The following FHIT variants were observed in gnomAD, a reference collection of about 807,000 sequenced individuals.
FHIT encodes the protein bis(5'-adenosyl)-triphosphatase.
FHIT carries 19 observed loss-of-function variants against 17.9 expected under a neutral mutation model. The observed-to-expected ratio is 1.06, with a 90% CI of 0.74 to 1.56. The LOEUF (loss-of-function observed/expected upper bound fraction) is 1.56. Ranked by LOEUF, FHIT falls within the 40% of genes most tolerant of loss-of-function variation. The pLI, the probability that FHIT is intolerant of heterozygous loss-of-function variation, is 0.00. For missense variants in FHIT, 248 were observed against 189.2 expected (o/e 1.31, Z -1.82); for synonymous variants, 81 against 69.7 (o/e 1.16, Z -0.81).
chr3:60,859,081 C>G (rs892839911), intron 3 of FHIT, among the ~76,000 whole-genome samples: 4 of 152,150 alleles, frequency 2.6e-5, no homozygotes, highest in African/African-American at 4.8e-5. Flanking sequence ...CTAGAACATT[C>G]TGCATTTGTG....
At chr3:60,427,820 C>G (rs1317115908) in intron 5 of FHIT, among the ~76,000 whole-genome samples, 1 of 152,106 alleles carries the variant, frequency 6.6e-6, no homozygotes, top group Non-Finnish European at 1.5e-5. Context: ...CATTTGATAT[C>G]TCCCAAATCT....
intron 5 of FHIT, among the ~76,000 whole-genome samples, chr3:60,446,809 T>C (rs1175976880): frequency 6.6e-6 from 1 of 151,400 alleles, no homozygotes; most frequent in Non-Finnish European, 1.5e-5. Context: ...GCTATGATCA[T>C]TCTACTGCAA....
At chr3:59,896,499 A>G (rs147168104) in intron 8 of FHIT, among the ~76,000 whole-genome samples, 1 of 152,296 alleles carries the variant, frequency 6.6e-6, no homozygotes, top group African/African-American at 2.4e-5. Context: ...TAGCACCAAG[A>G]GTAACTCAGA....
chr3:60,823,541 G>C (rs1702004668), intron 3 of FHIT, among the ~76,000 whole-genome samples: 1 of 152,126 alleles, frequency 6.6e-6, no homozygotes, highest in African/African-American at 2.4e-5. Flanking sequence ...AGAGATTGGA[G>C]TTATGTAGCT....
intron 4 of FHIT, among the ~76,000 whole-genome samples, chr3:60,680,090 A>C (rs184826071): frequency 2.0e-5 from 3 of 152,322 alleles, no homozygotes; most frequent in African/African-American, 7.2e-5. Flanking sequence ...CATGTGGGCC[A>C]TGGGAGTTGC....
intron 5 of FHIT, among the ~76,000 whole-genome samples, chr3:60,194,671 G>A (rs62238480): frequency 1.3e-5 from 2 of 152,106 alleles, no homozygotes; most frequent in African/African-American, 4.8e-5. Context: ...GAAAATATTT[G>A]CAAACTATGC....
intron 3 of FHIT, among the ~76,000 whole-genome samples, chr3:60,976,335 G>A (rs1036610952): frequency 6.6e-6 from 1 of 151,820 alleles, no homozygotes; most frequent in African/African-American, 2.4e-5. Flanking sequence ...TTGCACTCCT[G>A]ACCTCAGGTG....
chr3:60,024,388 A>G (rs1399920690), intron 5 of FHIT, among the ~76,000 whole-genome samples: 4 of 152,238 alleles, frequency 2.6e-5, no homozygotes, highest in Admixed American at 6.5e-5. Context: ...GGTATTCATC[A>G]TGTGTTCAGT....
At chr3:60,823,431 G>A (rs782064374) in intron 3 of FHIT, among the ~76,000 whole-genome samples, 40 of 152,110 alleles carry the variant, frequency 2.6e-4, no homozygotes, top group African/African-American at 5.6e-4. Flanking sequence ...ACTGGAGATC[G>A]GTGGGCAGGC....
At chr3:60,633,992 T>A (rs181477881) in intron 4 of FHIT, among the ~76,000 whole-genome samples, 1 of 152,180 alleles carries the variant, frequency 6.6e-6, no homozygotes, top group Admixed American at 6.5e-5. Flanking sequence ...TAAACAATTT[T>A]AACCTTCTCT....
At chr3:60,017,544 G>A (rs1306981279) in intron 5 of FHIT, among the ~76,000 whole-genome samples, 1 of 152,192 alleles carries the variant, frequency 6.6e-6, no homozygotes, top group African/African-American at 2.4e-5. Context: ...TGAATCCATT[G>A]CTTGTTGGAC....
chr3:60,591,500 G>T (rs2038083302), intron 4 of FHIT, among the ~76,000 whole-genome samples: 1 of 152,076 alleles, frequency 6.6e-6, no homozygotes, highest in Non-Finnish European at 1.5e-5. Flanking sequence ...AGGAAAAACA[G>T]CCACTAGGCT....
intron 3 of FHIT, among the ~76,000 whole-genome samples, chr3:61,014,807 A>AAAAAAAATAT (rs1553798839): frequency 8.1e-5 from 4 of 49,100 alleles, no homozygotes; most frequent in African/African-American, 2.2e-4. Context: ...AAAAAAAAAA[A>AAAAAAAATAT]ATATATATAT....
chr3:60,280,876 T>C (rs532303401), intron 5 of FHIT, among the ~76,000 whole-genome samples: 2 of 150,934 alleles, frequency 1.3e-5, no homozygotes, highest in South Asian at 2.1e-4. Flanking sequence ...GATATAACGA[T>C]TGGGAAGAAG....
chr3:60,356,064 G>A (rs922944850), intron 5 of FHIT, among the ~76,000 whole-genome samples: 6 of 152,130 alleles, frequency 3.9e-5, no homozygotes, highest in Non-Finnish European at 8.8e-5. Flanking sequence ...AGTTCACACT[G>A]TACCAGAGAA....
intron 5 of FHIT, among the ~76,000 whole-genome samples, chr3:60,418,352 CTA>C (rs1279025864): frequency 1.7e-4 from 18 of 103,580 alleles, no homozygotes; most frequent in South Asian, 9.2e-4. Flanking sequence ...ATATACAAAC[CTA>C]TATATATGTA....
At chr3:59,913,786 C>A (rs917994907) in intron 8 of FHIT, among the ~76,000 whole-genome samples, 1 of 152,112 alleles carries the variant, frequency 6.6e-6, no homozygotes, top group Non-Finnish European at 1.5e-5. Flanking sequence ...ACATAAGATA[C>A]TGAGATTTAA....
At chr3:60,698,145 C>T (rs2041156961) in intron 4 of FHIT, among the ~76,000 whole-genome samples, 2 of 152,058 alleles carry the variant, frequency 1.3e-5, no homozygotes, top group African/African-American at 4.8e-5. Context: ...TCTTTTTTTC[C>T]TATCCATCTG....
chr3:59,978,774 T>G (rs1708523699), intron 7 of FHIT, among the ~76,000 whole-genome samples: 1 of 151,336 alleles, frequency 6.6e-6, no homozygotes. Flanking sequence ...CAGAAACCTA[T>G]TTGAGAAGCT....
Sources: gnomAD v4.1 joint callset for allele counts (sites outside exome capture counted in the v4.1 genomes callset) on GRCh38, gnomAD v4.1.1 for gene constraint, MANE v1.5 for transcripts, NCBI Gene and HGNC (gene_info 2026-07-23, HGNC 2026-07-21) for gene names.